TRMT44: variants seen among roughly 807,000 people sequenced by gnomAD.
TRMT44 encodes the protein tRNA methyltransferase 44 homolog, also known as probable tRNA (uracil-O(2)-)-methyltransferase.
TRMT44 carries 78 observed loss-of-function variants against 77.3 expected under a neutral mutation model. The ratio of observed to expected loss-of-function variants is 1.01; its 90% CI spans 0.84 to 1.22. The LOEUF (loss-of-function observed/expected upper bound fraction) is 1.22, where lower values mean the gene tolerates loss of function less well. Among genes scored for constraint, TRMT44 ranks in the 50% most tolerant of loss-of-function variants. The pLI is 0.00. For synonymous variants in TRMT44, 391 were observed against 383.3 expected (o/e 1.02, Z -0.23); for missense variants, 1,090 against 964.4 (o/e 1.13, Z -1.73).
In TRMT44 at chr4:8,468,153, G is replaced by GC; in HGVS notation, c.1738dup (p.Gln580ProfsTer3). 22 of 1,614,022 alleles carry GC rather than the reference G, an allele frequency of 1.4e-5. No homozygotes were observed. The highest frequency in any genetic ancestry group is 1.8e-5 in the Non-Finnish European group (21 of 1,180,008). On this transcript the variant is annotated frameshift_variant, in exon 9 of 11. Transcript: ENST00000389737. LOFTEE classifies it high-confidence loss of function. The stretch of plus-strand genomic sequence containing the variant: ...CCTGGGCCGCTGAGCATGGAGCAGG[G>GC]CCCCAGGCTGAAGGACCCTGGCTAC...
chr4:8,441,391 C>G lies in TRMT44; in HGVS notation c.569C>G (p.Thr190Ser), dbSNP rs1724682777. 9 of 1,530,902 alleles carry G rather than the reference C, an allele frequency of 5.9e-6. No individual in the cohort carries two copies. The highest frequency in any genetic ancestry group is 7.9e-6 in the Non-Finnish European group (9 of 1,143,058). The allele number at this position is 1,530,902 out of a possible 1,614,324, so 94.8% of individuals were successfully genotyped here. ...GTTCTCAGAACCGTCATCCCGAAAACTAGCCCACATTGCCCCCTTACAACT... is the reference window on the plus strand; with the variant it reads ...GTTCTCAGAACCGTCATCCCGAAAAGTAGCCCACATTGCCCCCTTACAACT... ...DVVLRTVIPK[T>S]SPHCPLTTPR... The change falls in exon 1 of 11, where the codon ACT (threonine) becomes AGT (serine). Residue 190 changes from threonine to serine, a missense_variant. Physicochemically the swap from Thr to Ser is moderately conservative, Grantham distance 58. Coordinates refer to ENST00000389737, the MANE Select transcript of TRMT44 (RefSeq NM_152544.3).
chr4:8,451,895 T>TA lies in TRMT44; in HGVS notation c.955-62dup. ...TTGATTTATGCTTTATAGGGATACT[T>TA]AAAGTATTGGGAAATGGTGGTGGGG... On this transcript the variant is annotated intron_variant, in intron 3 of 10. Coordinates refer to ENST00000389737, the MANE Select transcript of TRMT44 (RefSeq NM_152544.3). The surrounding 1 kb of genome is among the most constrained non-coding windows in gnomAD (Gnocchi z 4.1). 3.6e-6 allele frequency: 5 copies of TA among 1,401,320 alleles called. No homozygotes were observed. Among genetic ancestry groups the TA allele is most frequent in the Non-Finnish European group, 4.9e-6 (5 of 1,024,196 alleles). 86.8% of individuals were successfully genotyped at this position (1,401,320 alleles called of 1,614,324 possible). A position where few individuals can be genotyped will look rare whatever the true frequency, so the allele number is the denominator to read the frequency against.
intron 3 of TRMT44, among the ~76,000 whole-genome samples, 195 bp downstream of exon 3, chr4:8,450,083 C>T (rs1475230454): frequency 2.7e-5 from 4 of 150,772 alleles, no homozygotes; most frequent in Non-Finnish European, 5.9e-5. Flanking sequence ...TCTCCTGCCT[C>T]AGCCTCTGGA....
intron 2 of TRMT44, among the ~76,000 whole-genome samples, chr4:8,490,432 C>A (rs905381387): frequency 1.3e-5 from 2 of 152,038 alleles, no homozygotes; most frequent in African/African-American, 4.8e-5. Flanking sequence ...AAGCTGCAGA[C>A]CTTCGCCGTG....
chr4:8,454,860 C>G (rs370658679), intron 6 of TRMT44, 47 bp downstream of exon 6: 150 of 1,560,680 alleles, frequency 9.6e-5, no homozygotes, highest in Non-Finnish European at 1.2e-4. Flanking sequence ...TGGCTTAGCT[C>G]CCAGTGGGAA....
intron 2 of TRMT44, among the ~76,000 whole-genome samples, chr4:8,487,834 G>C (rs1006300318): frequency 2.0e-5 from 3 of 152,114 alleles, no homozygotes; most frequent in Non-Finnish European, 2.9e-5. Context: ...CAAGGCAGGC[G>C]TCCATGAGTG....
chr4:8,476,837 G>C (rs1033886271), downstream of TRMT44: 1 of 152,198 alleles, frequency 6.6e-6, no homozygotes, highest in Non-Finnish European at 1.5e-5. Flanking sequence ...TTGAACTCCT[G>C]GGCTCAAGCC....
chr4:8,468,155 C>T lies in TRMT44; in HGVS notation c.1736C>T (p.Pro579Leu). 1.1e-5 allele frequency: 17 copies of T among 1,614,036 alleles called. No individual in the cohort carries two copies. The highest frequency in any genetic ancestry group is 1.4e-5 in the Non-Finnish European group (17 of 1,180,014). The change falls in exon 9 of 11, where the codon CCC becomes CTC. Residue 579 changes from proline (P) to leucine (L), a missense_variant. Transcript: ENST00000389737. ...RAWAAEHGAG[P>L]QAEGPWLPGF... is the part of the protein sequence containing the mutation. ...TGGGCCGCTGAGCATGGAGCAGGGC[C>T]CCAGGCTGAAGGACCCTGGCTACCT...
intron 2 of TRMT44, among the ~76,000 whole-genome samples, chr4:8,449,425 C>T (rs1039251819): frequency 2.6e-5 from 4 of 152,202 alleles, no homozygotes; most frequent in African/African-American, 9.6e-5. Context: ...GTTCAGCCGC[C>T]TCAGGGGCTT....
intron 2 of TRMT44, among the ~76,000 whole-genome samples, chr4:8,488,115 G>A (rs1018906318): frequency 6.6e-6 from 1 of 152,188 alleles, no homozygotes; most frequent in African/African-American, 2.4e-5. Context: ...GCCACTTACT[G>A]GATTTGAAAT....
chr4:8,493,802 A>G (rs941295661), downstream of TRMT44, among the ~76,000 whole-genome samples: 5 of 151,936 alleles, frequency 3.3e-5, no homozygotes, highest in African/African-American at 1.2e-4. Context: ...CTTGCTCATC[A>G]GGGCCACAGC....
intron 2 of TRMT44, among the ~76,000 whole-genome samples, chr4:8,492,846 C>T (rs769663028): frequency 2.0e-5 from 3 of 152,204 alleles, no homozygotes; most frequent in Non-Finnish European, 2.9e-5. Flanking sequence ...GTTGTCCCAC[C>T]TTTCTGGATG....
the TRMT44 span, among the ~76,000 whole-genome samples, chr4:8,513,347 C>T: frequency 2.6e-5 from 4 of 152,214 alleles, no homozygotes; most frequent in African/African-American, 9.6e-5. Flanking sequence ...ATCTCATGAA[C>T]TCGTTCACTA....
intron 8 of TRMT44, among the ~76,000 whole-genome samples, chr4:8,466,051 C>G (rs1426428258): frequency 1.3e-5 from 2 of 152,234 alleles, no homozygotes; most frequent in African/African-American, 4.8e-5. Flanking sequence ...AGCAGTGGGA[C>G]TGTGCCTCTG....
Position 8,468,055 on chromosome 4 carries a change from G to A in TRMT44, c.1636G>A (p.Val546Ile). Reference sequence around the variant, plus strand: ...GGAGCTTTCCCCTTCTCCACGCTGGGTTGCTGCTGGCAGTGCTGGTCACTG... The same window carrying A: ...GGAGCTTTCCCCTTCTCCACGCTGGATTGCTGCTGGCAGTGCTGGTCACTG... ...GWELSPSPRWVAAGSAGHCDG... is the reference protein window; with the variant it reads ...GWELSPSPRWIAAGSAGHCDG... The change falls in exon 9 of 11, where the codon GTT becomes ATT. Residue 546 changes from valine to isoleucine, a missense_variant. Coordinates refer to ENST00000389737, the MANE Select transcript of TRMT44 (RefSeq NM_152544.3). 6.2e-7 allele frequency: 1 copy of A among 1,613,982 alleles called. No homozygotes were observed. The highest frequency in any genetic ancestry group is 8.5e-7 in the Non-Finnish European group (1 of 1,180,052).
In TRMT44 at chr4:8,476,166, C is replaced by T. The variant is rs572722325; in HGVS notation, c.*165C>T. 4.6e-5 allele frequency: 31 copies of T among 668,508 alleles called. No homozygotes were observed. Among genetic ancestry groups the T allele is most frequent in the South Asian group, 1.7e-4 (9 of 52,014 alleles). 41.4% of individuals were successfully genotyped at this position (668,508 alleles called of 1,614,324 possible). A position where few individuals can be genotyped will look rare whatever the true frequency, so the allele number is the denominator to read the frequency against. On this transcript the variant is annotated 3_prime_UTR_variant, in exon 11 of 11. Coordinates refer to ENST00000389737, the MANE Select transcript of TRMT44 (RefSeq NM_152544.3). ...TGAACCGTATTTCATAAACATCACACGCCAGAGAAGCCACAGTTACTCGGA... is the reference window on the plus strand; with the variant it reads ...TGAACCGTATTTCATAAACATCACATGCCAGAGAAGCCACAGTTACTCGGA...
At chr4:8,502,015 C>G in the TRMT44 span, among the ~76,000 whole-genome samples, 7 of 152,186 alleles carry the variant, frequency 4.6e-5, no homozygotes, top group Admixed American at 2.0e-4. Context: ...ACAACTGGTC[C>G]TCTGAGCAGC....
intron 2 of TRMT44, among the ~76,000 whole-genome samples, chr4:8,488,266 G>A (rs564132623): frequency 3.9e-5 from 6 of 152,316 alleles, no homozygotes; most frequent in African/African-American, 7.2e-5. Context: ...CAAATTTCAT[G>A]AGCGTCCGTG....
At chr4:8,495,276 A>T (rs1728118398), downstream of TRMT44, among the ~76,000 whole-genome samples, 1 of 144,908 alleles carries the variant, frequency 6.9e-6, no homozygotes, top group South Asian at 2.3e-4. Flanking sequence ...ACCTGATGCC[A>T]TAGAGGAGAA....
Sources: allele counts gnomAD v4.1 joint callset (sites outside exome capture counted in the v4.1 genomes callset), GRCh38; gene constraint gnomAD v4.1.1; non-coding constraint Gnocchi (gnomAD v3.1); transcripts MANE v1.5; gene names NCBI Gene and HGNC (gene_info 2026-07-23, HGNC 2026-07-21).